RBMS3: variants seen among roughly 807,000 people sequenced by gnomAD.
RBMS3 encodes the protein RNA binding motif single stranded interacting protein 3.
A neutral mutation model predicts 66.8 loss-of-function variants in RBMS3; 27 were observed. The observed-to-expected ratio is 0.40, with a 90% CI of 0.30 to 0.56. The LOEUF is 0.56. RBMS3 is among the 20% of genes least tolerant of loss of function. The pLI, the probability that RBMS3 is intolerant of heterozygous loss-of-function variation, is 0.40. For missense variants in RBMS3, 513 were observed against 549.5 expected, an observed-to-expected ratio of 0.93 and a Z score of 0.66; for synonymous variants, 188 against 183.0, an observed-to-expected ratio of 1.03 and a Z score of -0.22.
intron 1 of RBMS3, among the ~76,000 whole-genome samples, chr3:29,310,114 C>T (rs946973416): frequency 6.6e-6 from 1 of 151,580 alleles, no homozygotes; most frequent in Non-Finnish European, 1.5e-5. Flanking sequence ...AGATATTGAA[C>T]AGATCAAGGG....
At chr3:29,543,548 A>G (rs2045842140) in intron 3 of RBMS3, among the ~76,000 whole-genome samples, 2 of 152,036 alleles carry the variant, frequency 1.3e-5, no homozygotes, top group Non-Finnish European at 2.9e-5. Context: ...CATCACTACT[A>G]AAAATACAAA....
intron 10 of RBMS3, chr3:29,924,605 G>A (rs1474572544): frequency 9.8e-4 from 3 of 3,060 alleles, no homozygotes; most frequent in Non-Finnish European, 1.7e-3. Flanking sequence ...TGGGAGGCCA[G>A]GGGGCGGATC....
intron 1 of RBMS3, among the ~76,000 whole-genome samples, chr3:29,355,984 G>T (rs753629912): frequency 6.6e-6 from 1 of 151,984 alleles, no homozygotes; most frequent in African/African-American, 2.4e-5. Flanking sequence ...GATATCTATC[G>T]CAATAACTTA....
At chr3:30,001,252 A>T (rs764982509) in intron 14 of RBMS3, among the ~76,000 whole-genome samples, 2 of 152,060 alleles carry the variant, frequency 1.3e-5, no homozygotes, top group Non-Finnish European at 2.9e-5. Flanking sequence ...GGATCACAGA[A>T]TCCCACTTTT....
intron 5 of RBMS3, among the ~76,000 whole-genome samples, chr3:29,756,133 C>A (rs2055402792): frequency 6.6e-6 from 1 of 152,110 alleles, no homozygotes; most frequent in Admixed American, 6.5e-5. Context: ...GTCTTTTTTT[C>A]TGACACCAAA....
intron 2 of RBMS3, among the ~76,000 whole-genome samples, chr3:29,483,964 C>A (rs2043232499): frequency 6.6e-6 from 1 of 152,196 alleles, no homozygotes; most frequent in African/African-American, 2.4e-5. Context: ...GTTTGATTAT[C>A]TCTCCGGGGA....
At chr3:29,750,477 A>G (rs1326591062) in intron 5 of RBMS3, among the ~76,000 whole-genome samples, 1 of 152,236 alleles carries the variant, frequency 6.6e-6, no homozygotes, top group African/African-American at 2.4e-5. Flanking sequence ...ATCAAGACAT[A>G]TCTGAATTTA....
At chr3:29,942,917 T>A (rs1452353538) in intron 11 of RBMS3, among the ~76,000 whole-genome samples, 1 of 151,686 alleles carries the variant, frequency 6.6e-6, no homozygotes, top group Non-Finnish European at 1.5e-5. Flanking sequence ...TTAAAATGAT[T>A]CTAATTATTC....
intron 6 of RBMS3, chr3:29,765,652 A>G (rs1403040020): frequency 6.6e-6 from 1 of 152,150 alleles, no homozygotes; most frequent in African/African-American, 2.4e-5. Context: ...CAGGGATCCA[A>G]TAATGATGAC....
intron 4 of RBMS3, among the ~76,000 whole-genome samples, chr3:29,675,648 A>T (rs770367407): frequency 4.6e-5 from 7 of 152,262 alleles, no homozygotes; most frequent in Non-Finnish European, 8.8e-5. Flanking sequence ...AAAAGAAGAC[A>T]TTTATGCAGC....
At chr3:29,932,181 G>A (rs1019637833) in intron 10 of RBMS3, among the ~76,000 whole-genome samples, 1 of 152,138 alleles carries the variant, frequency 6.6e-6, no homozygotes, top group Non-Finnish European at 1.5e-5. Flanking sequence ...TGATTATATG[G>A]TGTGATTATT....
chr3:29,456,566 T>C (rs2042198035), intron 2 of RBMS3, among the ~76,000 whole-genome samples: 1 of 152,220 alleles, frequency 6.6e-6, no homozygotes, highest in Non-Finnish European at 1.5e-5. Flanking sequence ...TTATTCATAC[T>C]ATGTGGGATT....
chr3:29,702,527 C>G (rs765216473), intron 4 of RBMS3, among the ~76,000 whole-genome samples: 1 of 152,184 alleles, frequency 6.6e-6, no homozygotes, highest in African/African-American at 2.4e-5. Flanking sequence ...TTGCTCTTTG[C>G]AATAAGTCAC....
At chr3:29,839,756 T>C (rs1470110096) in intron 6 of RBMS3, among the ~76,000 whole-genome samples, 1 of 151,884 alleles carries the variant, frequency 6.6e-6, no homozygotes, top group Non-Finnish European at 1.5e-5. Context: ...GCAGTAGAGA[T>C]ACAGATTTCT....
At chr3:29,550,401 C>T (rs188067686) in intron 3 of RBMS3, among the ~76,000 whole-genome samples, 30 of 152,024 alleles carry the variant, frequency 2.0e-4, no homozygotes, top group African/African-American at 7.2e-4. Flanking sequence ...ATGTCCCATG[C>T]AATATTTGGA....
intron 1 of RBMS3, among the ~76,000 whole-genome samples, chr3:29,304,093 G>A (rs2033853710): frequency 6.6e-6 from 1 of 151,962 alleles, no homozygotes; most frequent in Non-Finnish European, 1.5e-5. Flanking sequence ...TGAGATTTCA[G>A]TGGGGACACA....
At chr3:29,550,799 G>A (rs1329174112) in intron 3 of RBMS3, among the ~76,000 whole-genome samples, 1 of 152,184 alleles carries the variant, frequency 6.6e-6, no homozygotes, top group Non-Finnish European at 1.5e-5. Context: ...GGTTACAGAA[G>A]CCAAGAGAAT....
chr3:29,826,045 GCT>G (rs2058203017), intron 6 of RBMS3, among the ~76,000 whole-genome samples: 1 of 152,054 alleles, frequency 6.6e-6, no homozygotes, highest in African/African-American at 2.4e-5. Context: ...AAAGATAAAT[GCT>G]CTTTTTCCAT....
rs190194635 is a variant in RBMS3, at chr3:29,657,143, C to G, written c.399+69938C>G. 3.3e-5 allele frequency among the ~76,000 whole-genome samples: 5 copies of G among 152,214 alleles called. No homozygotes were observed. The East Asian group carries it at 9.6e-4, about 29-fold the overall frequency. ...GCTGGGAAATGTGGTAGAGCTCTGC[C>G]CTAAGAAAGGGGACCTGATTTTGGT... On this transcript the variant is annotated intron_variant, in intron 4 of 14. Coordinates refer to ENST00000383767, the MANE Select transcript of RBMS3 (RefSeq NM_001003793.3).
Sources: gnomAD v4.1 joint callset for allele counts (sites outside exome capture counted in the v4.1 genomes callset) on GRCh38, gnomAD v4.1.1 for gene constraint, MANE v1.5 for transcripts, NCBI Gene and HGNC (gene_info 2026-07-23, HGNC 2026-07-21) for gene names.